SCFD2: variants seen among roughly 807,000 people sequenced by gnomAD.
The protein encoded by SCFD2 is sec1 family domain-containing protein 2.
In SCFD2, 54 loss-of-function variants were observed where a neutral mutation model predicts 58.9. The observed-to-expected ratio is 0.92, with a 90% CI of 0.74 to 1.15. The LOEUF (loss-of-function observed/expected upper bound fraction) is 1.15. SCFD2 is among the 50% of genes most tolerant of loss of function. The pLI, the probability that SCFD2 is intolerant of heterozygous loss-of-function variation, is 0.00. For missense variants in SCFD2, 805 were observed against 836.6 expected (o/e 0.96, Z 0.47); for synonymous variants, 321 against 335.9 (o/e 0.96, Z 0.49).
chr4:53,314,812 C>T (rs757004696), intron 2 of SCFD2, among the ~76,000 whole-genome samples: 1 of 152,072 alleles, frequency 6.6e-6, no homozygotes, highest in Non-Finnish European at 1.5e-5. Context: ...TATAATCTTT[C>T]ATTGAATAGT....
chr4:53,042,295 A>G (rs1722919307), intron 5 of SCFD2, among the ~76,000 whole-genome samples: 1 of 152,124 alleles, frequency 6.6e-6, no homozygotes, highest in East Asian at 1.9e-4. Context: ...ATTTATTTCT[A>G]TGTAAGTAGT....
intron 4 of SCFD2, among the ~76,000 whole-genome samples, chr4:53,161,579 C>G (rs1466736564): frequency 1.3e-5 from 2 of 152,062 alleles, no homozygotes; most frequent in Non-Finnish European, 2.9e-5. Context: ...TTTTTTGTAA[C>G]GTTTTTTCCC....
intron 4 of SCFD2, among the ~76,000 whole-genome samples, chr4:53,179,705 C>G (rs1417579043): frequency 6.6e-6 from 1 of 152,048 alleles, no homozygotes; most frequent in African/African-American, 2.4e-5. Flanking sequence ...CACAGACTGG[C>G]AAATTGGATC....
intron 5 of SCFD2, among the ~76,000 whole-genome samples, chr4:53,011,736 T>C (rs1722097507): frequency 6.6e-6 from 1 of 152,224 alleles, no homozygotes; most frequent in African/African-American, 2.4e-5. Flanking sequence ...GACACCTCAC[T>C]GTGAAACGCT....
intron 4 of SCFD2, among the ~76,000 whole-genome samples, chr4:53,235,640 A>G (rs1000639920): frequency 1.3e-5 from 2 of 152,236 alleles, no homozygotes; most frequent in Non-Finnish European, 2.9e-5. Context: ...TTGAGTTTTG[A>G]TCTGAGCCAG....
chr4:53,083,720 G>A (rs374124947), intron 5 of SCFD2, among the ~76,000 whole-genome samples: 75 of 152,288 alleles, frequency 4.9e-4, no homozygotes, highest in African/African-American at 1.1e-3. Context: ...CAGCTGGGCC[G>A]CCAGGGGTGA....
intron 8 of SCFD2, among the ~76,000 whole-genome samples, chr4:52,880,872 G>T (rs910166214): frequency 4.6e-5 from 7 of 152,194 alleles, no homozygotes; most frequent in Non-Finnish European, 1.0e-4. Flanking sequence ...CAGCTGCAAA[G>T]TTCAGCCAGG....
intron 5 of SCFD2, 74 bp downstream of exon 5, chr4:53,145,258 CA>C: frequency 1.3e-6 from 2 of 1,550,012 alleles, no homozygotes; most frequent in South Asian, 2.5e-5. Flanking sequence ...CTCCTCTTCC[CA>C]AAACAGTATT....
intron 1 of SCFD2, among the ~76,000 whole-genome samples, 193 bp from the exon 2 acceptor site, chr4:53,352,959 A>C (rs554364914): frequency 6.6e-5 from 10 of 152,208 alleles, no homozygotes; most frequent in Non-Finnish European, 1.5e-4. Context: ...CACAGGTTGT[A>C]ATTAAGGCTC....
chr4:53,360,693 C>G (rs936080880), intron 1 of SCFD2, among the ~76,000 whole-genome samples: 3 of 152,242 alleles, frequency 2.0e-5, no homozygotes, highest in African/African-American at 7.2e-5. Flanking sequence ...AGACACCTAC[C>G]TCACTGAGCC....
In SCFD2 at chr4:53,313,672, C is replaced by T. The variant is rs1732761140; in HGVS notation, c.1099G>A (p.Ala367Thr). The T allele has an allele frequency of 5.6e-6, 9 of 1,614,002 alleles. No homozygotes were observed. The East Asian group carries it at 2.0e-4, about 36-fold the overall frequency. The stretch of plus-strand genomic sequence containing the variant: ...TTGATTGGCAGGTTTTCTCTGCTTG[C>T]CGCTTCCACTAGATGTCTCCGAACT... ...MEVRRHLVEA[A>T]SRENLPIKMS... is the part of the protein sequence containing the mutation. The change falls in exon 3 of 9, where the codon GCA (alanine) becomes ACA (threonine). Residue 367 changes from alanine to threonine, a missense_variant. By Grantham distance (58) the Ala-to-Thr change is moderately conservative. Transcript: ENST00000401642.
chr4:53,018,672 G>A (rs777323175), intron 5 of SCFD2, among the ~76,000 whole-genome samples: 2 of 152,156 alleles, frequency 1.3e-5, no homozygotes, highest in Non-Finnish European at 2.9e-5. Context: ...TTCTGGGAAA[G>A]AGACCCAGCA....
Position 53,360,503 on chromosome 4 carries a change from G to A in SCFD2, c.838+4601C>T, listed in dbSNP as rs1310053796. Among the ~76,000 whole-genome samples, 2 of 152,136 alleles carry A rather than the reference G, an allele frequency of 1.3e-5. 1 individual carries two copies. Among genetic ancestry groups the A allele is most frequent in the Non-Finnish European group, 2.9e-5 (2 of 68,026 alleles). On this transcript the variant is annotated intron_variant, in intron 1 of 8. Transcript: ENST00000401642. ...AGAGAGGACCACAAATCAAAACTTG[G>A]TTCCATAAACCAGTAGATAGGCAAA...
At chr4:52,902,089 G>A (rs571343583) in intron 7 of SCFD2, among the ~76,000 whole-genome samples, 6 of 152,316 alleles carry the variant, frequency 3.9e-5, no homozygotes, top group Non-Finnish European at 7.4e-5. Context: ...TTCCCCATAC[G>A]TGGAGACTGC....
rs763417677 is a variant in SCFD2, at chr4:53,352,754, T to C, written c.851A>G (p.His284Arg). Residue 284 changes from histidine to arginine, a missense_variant, in exon 2 of 9, where the codon CAT becomes CGT. Transcript: ENST00000401642. ...RTLDLTGAVG[H>R]HGDNLVEKII... Reference sequence around the variant, plus strand: ...CTTCTCTACTAAGTTGTCTCCATGATGTCCAACTGCTCCTGTTTAAGCAGA... The same window carrying C: ...CTTCTCTACTAAGTTGTCTCCATGACGTCCAACTGCTCCTGTTTAAGCAGA... 1.2e-6 allele frequency: 2 copies of C among 1,613,876 alleles called. No individual in the cohort carries two copies. Among genetic ancestry groups the C allele is most frequent in the Non-Finnish European group, 1.7e-6 (2 of 1,179,812 alleles).
chr4:53,118,364 C>T (rs1317743517), intron 5 of SCFD2, among the ~76,000 whole-genome samples: 1 of 152,154 alleles, frequency 6.6e-6, no homozygotes, highest in Non-Finnish European at 1.5e-5. Flanking sequence ...ATATTGGTGA[C>T]TGCATTTCTC....
chr4:53,103,896 C>T (rs1331711309), intron 5 of SCFD2, among the ~76,000 whole-genome samples: 1 of 51,098 alleles, frequency 2.0e-5, no homozygotes, highest in African/African-American at 1.1e-4. Context: ...ACAATATGAG[C>T]TAAAAAAAAA....
At chr4:53,102,624 A>C (rs1029459453) in intron 5 of SCFD2, among the ~76,000 whole-genome samples, 9 of 152,092 alleles carry the variant, frequency 5.9e-5, no homozygotes, top group African/African-American at 2.2e-4. Flanking sequence ...AAAATATGAA[A>C]ATATGTTCAA....
intron 4 of SCFD2, among the ~76,000 whole-genome samples, chr4:53,203,398 C>T (rs1728312493): frequency 1.3e-5 from 2 of 151,506 alleles, no homozygotes; most frequent in Non-Finnish European, 1.5e-5. Flanking sequence ...GATCATGAGG[C>T]ATAACTAAAG....
Sources: allele counts gnomAD v4.1 joint callset (sites outside exome capture counted in the v4.1 genomes callset), GRCh38; gene constraint gnomAD v4.1.1; transcripts MANE v1.5; gene names NCBI Gene and HGNC (gene_info 2026-07-23, HGNC 2026-07-21).